The following MSRB2 variants were observed in gnomAD, a reference collection of about 807,000 sequenced individuals.
MSRB2 encodes methionine-R-sulfoxide reductase B2, mitochondrial.
MSRB2 carries 17 observed loss-of-function variants against 19.0 expected under a neutral mutation model. The observed-to-expected ratio is 0.89, with a 90% confidence interval of 0.61 to 1.34. The LOEUF (loss-of-function observed/expected upper bound fraction) is 1.34, where lower values mean the gene tolerates loss of function less well. MSRB2 is among the 40% of genes most tolerant of loss of function. The pLI is 0.00. For synonymous variants in MSRB2, 107 were observed against 99.7 expected (o/e 1.07, Z -0.44); for missense variants, 208 against 237.6 (o/e 0.88, Z 0.82).
At chr10:23,099,415 G>C (rs970170453) in intron 1 of MSRB2, among the ~76,000 whole-genome samples, 1 of 152,052 alleles carries the variant, frequency 6.6e-6, no homozygotes, top group South Asian at 2.1e-4. Context: ...TAAAGTTTTC[G>C]CACACATTAA....
chr10:23,104,130 G>A lies in MSRB2; in HGVS notation c.119-14G>A, dbSNP rs778676109. 2 of 1,591,228 alleles carry A rather than the reference G, an allele frequency of 1.3e-6. No homozygotes were observed. Among genetic ancestry groups the A allele is most frequent in the African/African-American group, 2.7e-5 (2 of 73,328 alleles). On this transcript the variant is annotated splice_polypyrimidine_tract_variant and intron_variant, in intron 1 of 4. Transcript: ENST00000376510. ...TTTTGTTTTAATTTTTAAAATTCCTGTTTAACAATACAGGGTCTCTTGCAA... is the reference window on the plus strand; with the variant it reads ...TTTTGTTTTAATTTTTAAAATTCCTATTTAACAATACAGGGTCTCTTGCAA...
At chr10:23,102,587 G>T (rs887483875) in intron 1 of MSRB2, among the ~76,000 whole-genome samples, 1 of 152,166 alleles carries the variant, frequency 6.6e-6, no homozygotes, top group Admixed American at 6.5e-5. Context: ...ATCACATCAG[G>T]AAGACAGGAT....
Position 23,120,834 on chromosome 10 carries a change from C to T in MSRB2, c.521C>T (p.Ala174Val). The change falls in exon 5 of 5, where the codon GCT (alanine) becomes GTT (valine). Residue 174 changes from alanine (A) to valine (V), a missense_variant. By Grantham distance (64) the Ala-to-Val change is moderately conservative. Coordinates refer to ENST00000376510, the MANE Select transcript of MSRB2 (RefSeq NM_012228.4). ...NGQRFCINSV[A>V]LKFKPRKH ...CAGAGGTTTTGCATCAACAGTGTGGCTTTGAAGTTCAAACCAAGGAAACAC... is the reference window on the plus strand; with the variant it reads ...CAGAGGTTTTGCATCAACAGTGTGGTTTTGAAGTTCAAACCAAGGAAACAC... The T allele has an allele frequency of 6.2e-7, 1 of 1,614,074 alleles. No individual in the cohort carries two copies. Among genetic ancestry groups the T allele is most frequent in the Non-Finnish European group, 8.5e-7 (1 of 1,179,972 alleles).
intron 2 of MSRB2, among the ~76,000 whole-genome samples, chr10:23,107,351 C>T (rs1839995876): frequency 6.6e-6 from 1 of 152,252 alleles, no homozygotes; most frequent in South Asian, 2.1e-4. Flanking sequence ...CATCATCTCT[C>T]TCCATCCTCC....
At chr10:23,115,182 C>T (rs1840098479) in intron 3 of MSRB2, among the ~76,000 whole-genome samples, 1 of 152,160 alleles carries the variant, frequency 6.6e-6, no homozygotes, top group Non-Finnish European at 1.5e-5. Flanking sequence ...AATGTGTTGT[C>T]ACACTCCTAG....
intron 3 of MSRB2, among the ~76,000 whole-genome samples, chr10:23,111,105 C>T (rs1239767584): frequency 6.6e-6 from 1 of 152,188 alleles, no homozygotes; most frequent in Non-Finnish European, 1.5e-5. Flanking sequence ...GGGCTTTGAG[C>T]AGTCTGGGCC....
At position 23,119,073 on chromosome 10, in the gene MSRB2, C is replaced by T. The variant is rs761021100; in HGVS notation, c.297-231C>T. On this transcript the variant is annotated intron_variant, in intron 3 of 4. Coordinates refer to ENST00000376510, the MANE Select transcript of MSRB2 (RefSeq NM_012228.4). ...CCTTGTTGGATATCCAGAAAGAAGT[C>T]TTTAGCATCAAAGGATCAAGAAGTC... is the stretch of plus-strand genomic sequence containing the variant. 1.4e-5 allele frequency: 9 copies of T among 647,652 alleles called. 1 individual carries two copies. Among genetic ancestry groups the T allele is most frequent in the South Asian group, 1.4e-4 (9 of 66,310 alleles). The allele number at this position is 647,652 out of a possible 1,614,324, so 40.1% of individuals were successfully genotyped here.
intron 1 of MSRB2, 101 bp from the exon 2 acceptor site, chr10:23,104,043 T>A (rs1305467825): frequency 4.6e-6 from 4 of 867,068 alleles, no homozygotes; most frequent in Non-Finnish European, 7.2e-6. Flanking sequence ...GGGACTGGAT[T>A]ATTCTGCTGG....
intron 3 of MSRB2, 44 bp from the exon 4 acceptor site, chr10:23,119,260 G>T (rs1260644255): frequency 3.7e-6 from 6 of 1,606,254 alleles, no homozygotes; most frequent in South Asian, 1.1e-5. Flanking sequence ...GCATGTTAAT[G>T]ACAGTGTCAT....
chr10:23,110,164 C>T, intron 2 of MSRB2, 78 bp from the exon 3 acceptor site: 2 of 1,123,246 alleles, frequency 1.8e-6, no homozygotes, highest in Non-Finnish European at 1.3e-6. Flanking sequence ...GGGGACTTAC[C>T]CAGGATTTAA....
intron 1 of MSRB2, among the ~76,000 whole-genome samples, chr10:23,103,871 T>G (rs1442846480): frequency 2.0e-5 from 3 of 152,196 alleles, no homozygotes; most frequent in African/African-American, 4.8e-5. Flanking sequence ...TCCGCATTCT[T>G]TCATATTTCA....
intron 1 of MSRB2, among the ~76,000 whole-genome samples, chr10:23,099,212 A>G (rs1339428060): frequency 1.3e-5 from 2 of 152,214 alleles, no homozygotes; most frequent in Admixed American, 6.5e-5. Context: ...ATCCAGGTCA[A>G]AGAAACCTCT....
In MSRB2 at chr10:23,120,798, G is replaced by T. The variant is rs1486761597; in HGVS notation, c.485G>T (p.Gly162Val). The T allele has an allele frequency of 1.2e-6, 2 of 1,613,964 alleles. No homozygotes were observed. The highest frequency in any genetic ancestry group is 3.3e-5 in the Admixed American group (2 of 60,000). ...GGTCACGTGTTTCCTGATGGACCTG[G>T]GCCCAATGGTCAGAGGTTTTGCATC... ...HLGHVFPDGP[G>V]PNGQRFCINS... is the part of the protein sequence containing the mutation. The change falls in exon 5 of 5, where the codon GGG becomes GTG. Residue 162 changes from glycine to valine, a missense_variant. Transcript: ENST00000376510.
intron 3 of MSRB2, among the ~76,000 whole-genome samples, chr10:23,114,439 A>G (rs1472971048): frequency 6.6e-6 from 1 of 152,166 alleles, no homozygotes; most frequent in African/African-American, 2.4e-5. Context: ...TACATGCCAG[A>G]CACTGGGCTC....
At chr10:23,114,806 C>A (rs537749432) in intron 3 of MSRB2, among the ~76,000 whole-genome samples, 1 of 152,302 alleles carries the variant, frequency 6.6e-6, no homozygotes, top group Non-Finnish European at 1.5e-5. Context: ...TTACAGGTAG[C>A]CAGCCAAAAT....
chr10:23,109,613 T>C (rs1284366100), intron 2 of MSRB2, among the ~76,000 whole-genome samples: 2 of 152,086 alleles, frequency 1.3e-5, no homozygotes, highest in Non-Finnish European at 2.9e-5. Flanking sequence ...CATTGACTTG[T>C]CTCCTTGTTC....
intron 4 of MSRB2, among the ~76,000 whole-genome samples, chr10:23,119,796 T>C (rs2131635536): frequency 6.6e-6 from 1 of 152,274 alleles, no homozygotes; most frequent in Middle Eastern, 3.4e-3. Flanking sequence ...GGTTTCGCCA[T>C]GTTGGCCAGG....
chr10:23,119,153 CG>C, intron 3 of MSRB2, 150 bp from the exon 4 acceptor site: 2 of 962,178 alleles, frequency 2.1e-6, no homozygotes, highest in Non-Finnish European at 3.3e-6. Context: ...AGGACGATTC[CG>C]GGGGGACTGA....
At chr10:23,114,435 C>G (rs1840088507) in intron 3 of MSRB2, among the ~76,000 whole-genome samples, 1 of 151,982 alleles carries the variant, frequency 6.6e-6, no homozygotes. Context: ...CACTTACATG[C>G]CAGACACTGG....
Sources: allele counts gnomAD v4.1 joint callset (sites outside exome capture counted in the v4.1 genomes callset), GRCh38; gene constraint gnomAD v4.1.1; transcripts MANE v1.5; gene names NCBI Gene and HGNC (gene_info 2026-07-23, HGNC 2026-07-21).